OR9Q1: variants seen among roughly 807,000 people sequenced by gnomAD.
OR9Q1 encodes the protein olfactory receptor 9Q1.
For missense variants in OR9Q1, 374 were observed against 378.8 expected (o/e 0.99, Z 0.11); for synonymous variants, 153 against 148.6 (o/e 1.03, Z -0.22).
intron 2 of OR9Q1, among the ~76,000 whole-genome samples, chr11:58,064,727 C>T (rs1853412096): frequency 6.6e-6 from 1 of 151,954 alleles, no homozygotes; most frequent in Non-Finnish European, 1.5e-5. Flanking sequence ...AAAAGGAGGA[C>T]TTTGAATCTT....
At chr11:58,057,989 C>A (rs1853343778) in intron 2 of OR9Q1, among the ~76,000 whole-genome samples, 1 of 152,182 alleles carries the variant, frequency 6.6e-6, no homozygotes, top group Non-Finnish European at 1.5e-5. Flanking sequence ...GCAGAGAAAT[C>A]CCATATTGAG....
intron 2 of OR9Q1, among the ~76,000 whole-genome samples, chr11:58,108,425 G>A (rs922810707): frequency 6.6e-6 from 1 of 152,174 alleles, no homozygotes; most frequent in South Asian, 2.1e-4. Context: ...GTTCGCTTAT[G>A]ACTATGCTAC....
intron 1 of OR9Q1, chr11:58,045,236 T>C (rs545646430): frequency 1.3e-5 from 2 of 152,112 alleles, no homozygotes; most frequent in South Asian, 2.1e-4. Context: ...GTATTTTTTG[T>C]TTGTTTGTTT....
intron 2 of OR9Q1, among the ~76,000 whole-genome samples, chr11:58,136,139 A>G (rs79457944): frequency 7.4e-4 from 112 of 152,254 alleles, no homozygotes; most frequent in Non-Finnish European, 1.4e-3. Context: ...TGGATAACCT[A>G]CCATGGTTAT....
intron 2 of OR9Q1, among the ~76,000 whole-genome samples, chr11:58,165,037 G>A (rs1191717502): frequency 6.6e-6 from 1 of 152,130 alleles, no homozygotes; most frequent in Non-Finnish European, 1.5e-5. Flanking sequence ...CTTTTCTGCT[G>A]TATTTTTCTG....
intron 2 of OR9Q1, among the ~76,000 whole-genome samples, chr11:58,087,515 A>C (rs1343454271): frequency 6.6e-6 from 1 of 151,952 alleles, no homozygotes; most frequent in Non-Finnish European, 1.5e-5. Context: ...AGCTCTAAGT[A>C]TATTTTGTTA....
At chr11:58,161,589 G>C (rs1412176073) in intron 2 of OR9Q1, among the ~76,000 whole-genome samples, 1 of 151,246 alleles carries the variant, frequency 6.6e-6, no homozygotes, top group Non-Finnish European at 1.5e-5. Context: ...TGTCACCCAG[G>C]CTGGAGTGCA....
intron 2 of OR9Q1, among the ~76,000 whole-genome samples, chr11:58,157,185 C>T (rs1423613170): frequency 5.3e-5 from 8 of 152,092 alleles, no homozygotes; most frequent in Non-Finnish European, 8.8e-5. Context: ...ATGGCTAATT[C>T]CATCCTGTCC....
At chr11:58,140,878 A>T (rs78404885) in intron 2 of OR9Q1, among the ~76,000 whole-genome samples, 2 of 152,120 alleles carry the variant, frequency 1.3e-5, no homozygotes, top group Non-Finnish European at 1.5e-5. Context: ...GACCTTGGGC[A>T]GTATGGCCAT....
intron 2 of OR9Q1, chr11:58,171,442 C>T (rs2119948749): frequency 6.6e-6 from 1 of 152,310 alleles, no homozygotes; most frequent in Non-Finnish European, 1.5e-5. Flanking sequence ...CTGACTTGTT[C>T]ATCAGCAAGG....
At chr11:58,119,502 T>C (rs2120131942) in intron 2 of OR9Q1, 1 of 1,143,680 alleles carries the variant, frequency 8.7e-7, no homozygotes, top group South Asian at 1.5e-5. Flanking sequence ...AATCTCAGAA[T>C]TGAAGGACAG....
chr11:58,096,387 C>T (rs2120076309), intron 2 of OR9Q1, among the ~76,000 whole-genome samples: 1 of 152,324 alleles, frequency 6.6e-6, no homozygotes, highest in Non-Finnish European at 1.5e-5. Flanking sequence ...ATTCTTCCTC[C>T]ACCCTCCACA....
intron 2 of OR9Q1, chr11:58,108,876 A>G (rs1853868388): frequency 2.8e-6 from 1 of 356,850 alleles, no homozygotes; most frequent in South Asian, 2.2e-5. Context: ...TGGCGGAGTT[A>G]CTTCTCTGGT....
At chr11:58,024,268 C>T (rs1424547231) in intron 1 of OR9Q1, among the ~76,000 whole-genome samples, 164 bp downstream of exon 1, 2 of 152,080 alleles carry the variant, frequency 1.3e-5, no homozygotes, top group African/African-American at 2.4e-5. Context: ...AGCAGGTCTC[C>T]GGGCTTCATC....
intron 2 of OR9Q1, among the ~76,000 whole-genome samples, chr11:58,095,452 G>T (rs769074494): frequency 6.6e-6 from 1 of 152,214 alleles, no homozygotes; most frequent in African/African-American, 2.4e-5. Context: ...TGGCTATGAA[G>T]AAATATTCGA....
intron 2 of OR9Q1, among the ~76,000 whole-genome samples, chr11:58,159,465 A>G (rs1043210451): frequency 5.3e-5 from 8 of 151,958 alleles, no homozygotes; most frequent in African/African-American, 1.4e-4. Flanking sequence ...AAAAAAAAAA[A>G]CAGTCATTAG....
intron 2 of OR9Q1, among the ~76,000 whole-genome samples, chr11:58,178,741 C>T (rs186839002): frequency 6.6e-6 from 1 of 151,754 alleles, no homozygotes; most frequent in East Asian, 1.9e-4. Flanking sequence ...AATGTGCACC[C>T]CTGTTCTGAG....
intron 2 of OR9Q1, chr11:58,077,474 T>C (rs1055183310): frequency 3.9e-5 from 6 of 152,216 alleles, no homozygotes; most frequent in Non-Finnish European, 7.3e-5. Context: ...TGATGCCAAC[T>C]TGTCTTCTGT....
At chr11:58,054,339 A>G (rs567114498) in intron 1 of OR9Q1, among the ~76,000 whole-genome samples, 3 of 152,220 alleles carry the variant, frequency 2.0e-5, no homozygotes, top group African/African-American at 7.2e-5. Flanking sequence ...GAGGTTCTTT[A>G]TAATAGAGCT....
Sources: allele counts gnomAD v4.1 joint callset (sites outside exome capture counted in the v4.1 genomes callset), GRCh38; gene constraint gnomAD v4.1.1; transcripts MANE v1.5; gene names NCBI Gene and HGNC (gene_info 2026-07-23, HGNC 2026-07-21).